HRH2: variants seen among roughly 807,000 people sequenced by gnomAD.
HRH2 encodes the protein histamine receptor H2, also known as histamine H2 receptor.
Under a neutral mutation model 20.1 loss-of-function variants are expected in HRH2, and 4 were observed. That is an observed-to-expected ratio of 0.20 (90% CI 0.10 to 0.45). HRH2 has a LOEUF of 0.45. Among genes scored for constraint, HRH2 ranks in the 20% least tolerant of loss-of-function variants. HRH2 has a pLI of 0.99. For synonymous variants in HRH2, 197 were observed against 200.7 expected (o/e 0.98, Z 0.16); for missense variants, 250 against 461.6 (o/e 0.54, Z 4.20).
chr5:175,706,047 C>G (rs1756934136), intron 2 of HRH2, among the ~76,000 whole-genome samples: 1 of 152,088 alleles, frequency 6.6e-6, no homozygotes, highest in Admixed American at 6.5e-5. Flanking sequence ...TAATGTTAAA[C>G]AATAACAAAA....
chr5:175,658,350 C>T (rs185586841), intron 1 of HRH2, among the ~76,000 whole-genome samples, 195 bp downstream of exon 1: 82 of 152,286 alleles, frequency 5.4e-4, no homozygotes, highest in African/African-American at 1.9e-3. Context: ...CAGGTGCCTC[C>T]GCCTGGCCTG....
In HRH2 at chr5:175,699,572, TTTTG is replaced by T. The variant is rs568821952; in HGVS notation, c.1077-8190_1077-8187del. Among the ~76,000 whole-genome samples the T allele has an allele frequency of 2.6e-5, 4 of 151,278 alleles. 1 individual carries two copies. In the South Asian group the frequency reaches 6.2e-4, roughly 24 times the overall value. On this transcript the variant is annotated intron_variant, in intron 2 of 2. Coordinates refer to ENST00000636584, the MANE Select transcript of HRH2 (RefSeq NM_001367711.1). The stretch of plus-strand genomic sequence containing the variant: ...GTCCCTCTGCTGTCGGTTGTTTTTG[TTTTG>T]TTTGTTTGTTTGTTTGAGACAGAGT...
chr5:175,684,464 C>A, intron 2 of HRH2, 155 bp downstream of exon 2: 2 of 1,050,714 alleles, frequency 1.9e-6, no homozygotes, highest in Non-Finnish European at 2.7e-6. Flanking sequence ...TTAATCCTCC[C>A]AACGGCCCCC....
chr5:175,668,782 A>G (rs560783172), intron 1 of HRH2, among the ~76,000 whole-genome samples: 84 of 152,260 alleles, frequency 5.5e-4, no homozygotes, highest in Non-Finnish European at 1.1e-3. Context: ...CAGGCACTCA[A>G]AGACTCTTAG....
rs541269117 is a variant in HRH2 at position 175,686,844 on chromosome 5, A to G, written c.1076+2535A>G. Among the ~76,000 whole-genome samples, 14 of 152,340 alleles carry G rather than the reference A, an allele frequency of 9.2e-5. No individual in the cohort carries two copies. Among genetic ancestry groups the G allele is most frequent in the African/African-American group, 3.4e-4 (14 of 41,584 alleles). Reference sequence around the variant, plus strand: ...AGTCAAGTAAACTGCCCCAAGGGATACAACCCAAAGTTGCGATCTGAGCAA... The same window carrying G: ...AGTCAAGTAAACTGCCCCAAGGGATGCAACCCAAAGTTGCGATCTGAGCAA... On this transcript the variant is annotated intron_variant, in intron 2 of 2. Transcript: ENST00000636584. This position sits in a 1 kb window ranked among gnomAD's most constrained non-coding sequence, Gnocchi z 4.7.
In HRH2 at chr5:175,681,745, A is replaced by G. The variant is rs188937197; in HGVS notation, c.-525-964A>G. 2.1e-4 allele frequency among the ~76,000 whole-genome samples: 32 copies of G among 152,320 alleles called. No individual in the cohort carries two copies. The highest frequency in any genetic ancestry group is 1.3e-3 in the Admixed American group (20 of 15,306). Reference sequence around the variant, plus strand: ...CCCGTGAGAGGGTGATGTGGGGATGATAGGATAAACCTATTCATGGTGAGC... The same window carrying G: ...CCCGTGAGAGGGTGATGTGGGGATGGTAGGATAAACCTATTCATGGTGAGC... On this transcript the variant is annotated intron_variant, in intron 1 of 2. Transcript: ENST00000636584. The surrounding 1 kb of genome is among the most constrained non-coding windows in gnomAD (Gnocchi z 4.3).
At chr5:175,665,993 C>T (rs975788316) in intron 1 of HRH2, among the ~76,000 whole-genome samples, 32 of 152,190 alleles carry the variant, frequency 2.1e-4, no homozygotes, top group African/African-American at 7.7e-4. Context: ...TACTGAACAT[C>T]CAGATTTCCA....
chr5:175,662,662 G>A (rs186129704), intron 1 of HRH2, among the ~76,000 whole-genome samples: 69 of 152,214 alleles, frequency 4.5e-4, no homozygotes, highest in Admixed American at 3.7e-3. Context: ...AGAGCAGAGC[G>A]TTATAGAGAC....
intron 1 of HRH2, among the ~76,000 whole-genome samples, chr5:175,668,079 T>C (rs1755362348): frequency 1.3e-5 from 2 of 152,122 alleles, no homozygotes; most frequent in Non-Finnish European, 2.9e-5. Context: ...AGGGGCCAGG[T>C]GCTGAAAAGC....
chr5:175,694,433 G>A (rs955837727), intron 2 of HRH2, among the ~76,000 whole-genome samples: 4 of 152,090 alleles, frequency 2.6e-5, no homozygotes, highest in African/African-American at 9.7e-5. Flanking sequence ...CATGGCACCT[G>A]CGTGGACATA....
chr5:175,665,280 A>G (rs1762853426), intron 1 of HRH2, among the ~76,000 whole-genome samples: 1 of 152,138 alleles, frequency 6.6e-6, no homozygotes, highest in Non-Finnish European at 1.5e-5. Context: ...GAGCTGCAGG[A>G]GCTGGCATTT....
rs1457354463 is a variant in HRH2, at chr5:175,686,892, C to T, written c.1076+2583C>T. On this transcript the variant is annotated intron_variant, in intron 2 of 2. Coordinates refer to ENST00000636584, the MANE Select transcript of HRH2 (RefSeq NM_001367711.1). This position sits in a 1 kb window ranked among gnomAD's most constrained non-coding sequence, Gnocchi z 4.7. ...CAACAACAGAAATAGCAGCGCCTGC[C>T]GCAGACTGTCCTCCAGGCTCCCGGC... Among the ~76,000 whole-genome samples, 2 of 152,216 alleles carry T rather than the reference C, an allele frequency of 1.3e-5. No individual in the cohort carries two copies. Among genetic ancestry groups the T allele is most frequent in the African/African-American group, 2.4e-5 (1 of 41,456 alleles).
chr5:175,685,289 G>A lies in HRH2; in HGVS notation c.1076+980G>A, dbSNP rs1756132390. 4.6e-6 allele frequency: 4 copies of A among 878,648 alleles called. No individual in the cohort carries two copies. The Admixed American group carries it at 1.1e-4, about 24-fold the overall frequency. The allele number at this position is 878,648 out of a possible 1,614,324, so 54.4% of individuals were successfully genotyped here. On this transcript the variant is annotated intron_variant, in intron 2 of 2. Coordinates refer to ENST00000636584, the MANE Select transcript of HRH2 (RefSeq NM_001367711.1). ...TGGCACCGAGGAAGCTCGCTGTGAGGAGAGACAGCTTACTGGTCTGGGCTT... is the reference window on the plus strand; with the variant it reads ...TGGCACCGAGGAAGCTCGCTGTGAGAAGAGACAGCTTACTGGTCTGGGCTT...
At chr5:175,689,486 A>T (rs983843367) in intron 2 of HRH2, among the ~76,000 whole-genome samples, 1 of 152,232 alleles carries the variant, frequency 6.6e-6, no homozygotes, top group Non-Finnish European at 1.5e-5. Context: ...GATTGAATAA[A>T]TGAATGAGTG....
At chr5:175,705,212 A>T (rs1047522697) in intron 2 of HRH2, among the ~76,000 whole-genome samples, 5 of 152,244 alleles carry the variant, frequency 3.3e-5, no homozygotes, top group African/African-American at 1.2e-4. Flanking sequence ...TATGGTTGAG[A>T]ATAGGCTCAG....
intron 1 of HRH2, among the ~76,000 whole-genome samples, chr5:175,671,013 C>T (rs1221687285): frequency 6.6e-6 from 1 of 152,240 alleles, no homozygotes; most frequent in Non-Finnish European, 1.5e-5. Context: ...GGGTTAATAA[C>T]AAGGTATGCT....
intron 1 of HRH2, among the ~76,000 whole-genome samples, chr5:175,665,294 C>T (rs1258946310): frequency 6.6e-6 from 1 of 152,192 alleles, no homozygotes; most frequent in African/African-American, 2.4e-5. Context: ...GGCATTTGAG[C>T]ATGGCATTTT....
At chr5:175,663,718 G>A (rs1017537648) in intron 1 of HRH2, among the ~76,000 whole-genome samples, 10 of 152,198 alleles carry the variant, frequency 6.6e-5, no homozygotes, top group Non-Finnish European at 1.5e-4. Flanking sequence ...GCCCCAGAGA[G>A]GCCCTCCCTG....
chr5:175,674,091 C>T (rs1369556539), intron 1 of HRH2, among the ~76,000 whole-genome samples: 1 of 152,242 alleles, frequency 6.6e-6, no homozygotes, highest in Non-Finnish European at 1.5e-5. Context: ...CAGATGGCAG[C>T]TTCAGGTTCC....
Sources: allele counts gnomAD v4.1 joint callset (sites outside exome capture counted in the v4.1 genomes callset), GRCh38; gene constraint gnomAD v4.1.1; non-coding constraint Gnocchi (gnomAD v3.1); transcripts MANE v1.5; gene names NCBI Gene and HGNC (gene_info 2026-07-23, HGNC 2026-07-21).